Variants in PRKAR2B observed in about 807,000 individuals in gnomAD.
PRKAR2B encodes the protein protein kinase cAMP-dependent type II regulatory subunit beta, also known as cAMP-dependent protein kinase type II-beta regulatory subunit.
A neutral mutation model predicts 49.9 loss-of-function variants in PRKAR2B; 14 were observed. The ratio of observed to expected loss-of-function variants is 0.28; its 90% confidence interval spans 0.19 to 0.44. PRKAR2B has a LOEUF of 0.44. Ranked by LOEUF, PRKAR2B falls within the 20% of genes least tolerant of loss-of-function variation. The pLI is 1.00. For missense variants in PRKAR2B, 393 were observed against 537.9 expected (o/e 0.73, Z 2.67); for synonymous variants, 196 against 197.7 (o/e 0.99, Z 0.07).
chr7:107,097,865 C>G (rs1362178214), intron 2 of PRKAR2B, among the ~76,000 whole-genome samples: 1 of 152,204 alleles, frequency 6.6e-6, no homozygotes, highest in Non-Finnish European at 1.5e-5. Context: ...TGTAGAGTTT[C>G]TGCCGAGAGA....
chr7:107,139,096 A>G (rs941585172), intron 4 of PRKAR2B, among the ~76,000 whole-genome samples: 1 of 152,066 alleles, frequency 6.6e-6, no homozygotes, highest in Non-Finnish European at 1.5e-5. Flanking sequence ...TCTCATGGAT[A>G]TAATATCATC....
chr7:107,136,906 C>T (rs1375620200), intron 4 of PRKAR2B, among the ~76,000 whole-genome samples: 1 of 152,070 alleles, frequency 6.6e-6, no homozygotes, highest in Non-Finnish European at 1.5e-5. Context: ...TTGGAAGCAA[C>T]CAAGATGTTG....
At chr7:107,068,157 C>T (rs919024635) in intron 1 of PRKAR2B, among the ~76,000 whole-genome samples, 1 of 152,132 alleles carries the variant, frequency 6.6e-6, no homozygotes, top group Non-Finnish European at 1.5e-5. Flanking sequence ...AAAACCTTTA[C>T]CTTAAACACT....
intron 1 of PRKAR2B, among the ~76,000 whole-genome samples, chr7:107,065,459 CTG>C (rs1326545703): frequency 6.6e-6 from 1 of 151,838 alleles, no homozygotes; most frequent in African/African-American, 2.4e-5. Context: ...GAGATGCAAA[CTG>C]TGTGTACTGC....
chr7:107,087,135 T>G (rs964429283), intron 2 of PRKAR2B, among the ~76,000 whole-genome samples: 12 of 152,100 alleles, frequency 7.9e-5, no homozygotes, highest in Non-Finnish European at 1.3e-4. Flanking sequence ...GTCCTCTTAC[T>G]TAAGATTGAT....
At chr7:107,087,689 C>T (rs1371930520) in intron 2 of PRKAR2B, among the ~76,000 whole-genome samples, 3 of 151,990 alleles carry the variant, frequency 2.0e-5, no homozygotes, top group Non-Finnish European at 4.4e-5. Flanking sequence ...CTGAGGCAGG[C>T]GGATTGCATG....
chr7:107,098,835 A>G (rs1332375194), intron 2 of PRKAR2B, among the ~76,000 whole-genome samples: 1 of 152,166 alleles, frequency 6.6e-6, no homozygotes, highest in Non-Finnish European at 1.5e-5. Context: ...AACAGCAAAT[A>G]TTGCAGAACG....
At chr7:107,120,150 G>A (rs974556568) in intron 2 of PRKAR2B, among the ~76,000 whole-genome samples, 4 of 152,124 alleles carry the variant, frequency 2.6e-5, no homozygotes, top group Non-Finnish European at 5.9e-5. Context: ...TTTAGATCAG[G>A]GTTTCTCAGC....
chr7:107,075,401 AT>A lies in PRKAR2B; in HGVS notation c.343+5101del, dbSNP rs773470781. On this transcript the variant is annotated intron_variant, in intron 2 of 10. Transcript: ENST00000265717. ...TAGGTGTAAGCCACCACACCTGGCA[AT>A]TTTTTTTTTTTTTTTAAGACAGGAT... 8.6e-3 allele frequency among the ~76,000 whole-genome samples: 1,189 copies of A among 137,636 alleles called. 9 individuals carry two copies. The highest frequency in any genetic ancestry group is 0.013 in the African/African-American group (507 of 37,570). 90.3% of individuals were successfully genotyped at this position (137,636 alleles called of 152,430 possible). A position where few individuals can be genotyped will look rare whatever the true frequency, so the allele number is the denominator to read the frequency against.
chr7:107,107,460 G>T (rs892866500), intron 2 of PRKAR2B, among the ~76,000 whole-genome samples: 2 of 152,038 alleles, frequency 1.3e-5, no homozygotes, highest in African/African-American at 4.8e-5. Context: ...CTTTGCTTCA[G>T]TTGCCTAAAA....
intron 4 of PRKAR2B, among the ~76,000 whole-genome samples, chr7:107,134,060 G>A (rs1296748209): frequency 2.6e-5 from 4 of 151,776 alleles, no homozygotes; most frequent in African/African-American, 9.7e-5. Flanking sequence ...TGAGAGTCTC[G>A]CTCTGTTGCC....
Position 107,045,045 on chromosome 7 carries a change from A to T in PRKAR2B, c.138A>T (p.Lys46Asn). ...GCCTGCAGCAGGAGAACGAGCGCAAAGGCACCGCGCGCTTCGGCCATGAGG... is the reference window on the plus strand; with the variant it reads ...GCCTGCAGCAGGAGAACGAGCGCAATGGCACCGCGCGCTTCGGCCATGAGG... Reference protein sequence around the residue: ...FTRLQQENERKGTARFGHEGR... With the variant: ...FTRLQQENERNGTARFGHEGR... The change falls in exon 1 of 11, where the codon AAA becomes AAT. Residue 46 changes from lysine to asparagine, a missense_variant. Lys to Asn is a moderately conservative substitution (Grantham distance 94). This residue lies in a region of PRKAR2B where 160 missense variants were observed against 147.6 expected (regional missense o/e 1.08). Coordinates refer to ENST00000265717, the MANE Select transcript of PRKAR2B (RefSeq NM_002736.3). 1 of 1,547,388 alleles carries T rather than the reference A, an allele frequency of 6.5e-7. No individual in the cohort carries two copies. The highest frequency in any genetic ancestry group is 1.2e-5 in the South Asian group (1 of 84,348).
rs540571879 is a variant in PRKAR2B, at chr7:107,054,969, A to G, written c.307+9755A>G. 1.2e-4 allele frequency among the ~76,000 whole-genome samples: 18 copies of G among 148,838 alleles called. No individual in the cohort carries two copies. The South Asian group carries it at 3.8e-3, about 32-fold the overall frequency. ...TAATGCCATCCCTCCCCCATCCCCCAACCCCACAACAGGCCCCAGTGTGTG... is the reference window on the plus strand; with the variant it reads ...TAATGCCATCCCTCCCCCATCCCCCGACCCCACAACAGGCCCCAGTGTGTG... On this transcript the variant is annotated intron_variant, in intron 1 of 10. Transcript: ENST00000265717.
intron 2 of PRKAR2B, among the ~76,000 whole-genome samples, chr7:107,111,793 T>C (rs1402870120): frequency 6.6e-6 from 1 of 151,802 alleles, no homozygotes; most frequent in African/African-American, 2.4e-5. Context: ...TTTAATAACA[T>C]TTCTAAACTG....
intron 1 of PRKAR2B, among the ~76,000 whole-genome samples, chr7:107,055,725 A>C (rs1016376006): frequency 1.3e-5 from 2 of 152,176 alleles, no homozygotes; most frequent in Non-Finnish European, 1.5e-5. Context: ...CCTTTGTCAG[A>C]TGAGTAGATT....
At chr7:107,101,464 T>C (rs896170398) in intron 2 of PRKAR2B, among the ~76,000 whole-genome samples, 9 of 152,224 alleles carry the variant, frequency 5.9e-5, no homozygotes, top group African/African-American at 2.2e-4. Flanking sequence ...TGTAGAGGGC[T>C]AGGGCACTGC....
Position 107,157,283 on chromosome 7 carries a change from G to C in PRKAR2B, c.1082G>C (p.Arg361Pro), listed in dbSNP as rs1295807932. Reference protein sequence around the residue: ...GELALVTNKPRAASAHAIGTV... With the variant: ...GELALVTNKPPAASAHAIGTV... ...CTTGCCCTGGTAACTAACAAACCTC[G>C]AGCAGCTTCTGCCCACGCCATTGGG... Residue 361 changes from arginine (R) to proline (P), a missense_variant, in exon 10 of 11, where the codon CGA becomes CCA. Arg to Pro is a moderately radical substitution (Grantham distance 103). This residue lies in a region of PRKAR2B where 233 missense variants were observed against 390.4 expected (regional missense o/e 0.60). Coordinates refer to ENST00000265717, the MANE Select transcript of PRKAR2B (RefSeq NM_002736.3). 1 of 1,614,162 alleles carries C rather than the reference G, an allele frequency of 6.2e-7. No homozygotes were observed. The highest frequency in any genetic ancestry group is 8.5e-7 in the Non-Finnish European group (1 of 1,180,014).
chr7:107,102,918 G>T (rs190803059), intron 2 of PRKAR2B, among the ~76,000 whole-genome samples: 1 of 152,126 alleles, frequency 6.6e-6, no homozygotes, highest in Non-Finnish European at 1.5e-5. Context: ...TGATCTGCCC[G>T]CCTCAGCCTC....
At chr7:107,109,830 T>C (rs1419132441) in intron 2 of PRKAR2B, among the ~76,000 whole-genome samples, 1 of 152,228 alleles carries the variant, frequency 6.6e-6, no homozygotes, top group East Asian at 1.9e-4. Flanking sequence ...CTGTAAAACA[T>C]AATTTTTAGG....
Sources: gnomAD v4.1 joint callset for allele counts (sites outside exome capture counted in the v4.1 genomes callset) on GRCh38, gnomAD v4.1.1 for gene constraint, gnomAD v4.1.1 regional missense constraint, MANE v1.5 for transcripts, NCBI Gene and HGNC (gene_info 2026-07-23, HGNC 2026-07-21) for gene names.